The following ABI3BP variants were observed in gnomAD, a reference collection of about 807,000 sequenced individuals.
ABI3BP encodes ABI family member 3 binding protein, also known as target of Nesh-SH3.
A neutral mutation model predicts 268.6 loss-of-function variants in ABI3BP; 216 were observed. The observed-to-expected ratio is 0.80, with a 90% CI of 0.72 to 0.90. The LOEUF (loss-of-function observed/expected upper bound fraction) is 0.90, where lower values mean the gene tolerates loss of function less well. ABI3BP is among the 40% of genes least tolerant of loss of function. The pLI is 0.00. For synonymous variants in ABI3BP, 730 were observed against 730.0 expected, an observed-to-expected ratio of 1.00 and a Z score of 0.00; for missense variants, 2,090 against 2,182.4, an observed-to-expected ratio of 0.96 and a Z score of 0.84.
chr3:100,964,994 A>G (rs2080731740), intron 1 of ABI3BP, among the ~76,000 whole-genome samples: 1 of 152,066 alleles, frequency 6.6e-6, no homozygotes, highest in South Asian at 2.1e-4. Context: ...ATGTCATGAT[A>G]AATTTTTGTA....
intron 2 of ABI3BP, among the ~76,000 whole-genome samples, chr3:100,925,754 A>C (rs757089089): frequency 6.6e-6 from 1 of 151,966 alleles, no homozygotes; most frequent in African/African-American, 2.4e-5. Flanking sequence ...TTTGCAAATA[A>C]TTTTTCTGGA....
intron 63 of ABI3BP, among the ~76,000 whole-genome samples, chr3:100,756,979 T>C (rs6784601): frequency 0.4 from 55,389 of 140,118 alleles, 10,411 homozygotes; most frequent in South Asian, 0.56. Flanking sequence ...ACATCATAGG[T>C]CTAAGAGAAA....
chr3:100,986,780 A>G (rs1001166250), intron 1 of ABI3BP, among the ~76,000 whole-genome samples: 7 of 152,178 alleles, frequency 4.6e-5, no homozygotes, highest in Admixed American at 3.9e-4. Context: ...TTATCTGTGA[A>G]ATGGAGCTAA....
At chr3:100,823,360 G>T in intron 37 of ABI3BP, 98 bp downstream of exon 37, 2 of 1,002,934 alleles carry the variant, frequency 2.0e-6, no homozygotes, top group Non-Finnish European at 2.9e-6. Context: ...GAGTTGAATG[G>T]CCATCAAGAA....
Position 100,871,637 on chromosome 3 carries a change from T to C in ABI3BP, c.910+3204A>G, listed in dbSNP as rs534324607. ...CTCTCTTTTTGCCTGCTGCCATCCA[T>C]GTAAGATATGACTTGCTCCTCCTTG... is the stretch of plus-strand genomic sequence containing the variant. On this transcript the variant is annotated intron_variant, in intron 9 of 67. Transcript: ENST00000471714. Among the ~76,000 whole-genome samples, 3 of 152,344 alleles carry C rather than the reference T, an allele frequency of 2.0e-5. No homozygotes were observed. In the East Asian group the frequency reaches 5.8e-4, roughly 29 times the overall value.
intron 29 of ABI3BP, 122 bp from the exon 30 acceptor site, chr3:100,833,279 G>A (rs1304829794): frequency 4.5e-5 from 39 of 872,632 alleles, no homozygotes; most frequent in Non-Finnish European, 4.1e-5. Context: ...TAGCCACAAA[G>A]CAAACATTTT....
At chr3:100,890,984 CTTT>C (rs35008478) in intron 4 of ABI3BP, among the ~76,000 whole-genome samples, 6 of 143,722 alleles carry the variant, frequency 4.2e-5, no homozygotes, top group African/African-American at 5.1e-5. Flanking sequence ...AACTGGTCAA[CTTT>C]TTTTTTTTTT....
chr3:100,768,128 G>T (rs542904264), intron 62 of ABI3BP, among the ~76,000 whole-genome samples: 40 of 123,598 alleles, frequency 3.2e-4, no homozygotes, highest in Non-Finnish European at 5.0e-4. Flanking sequence ...ACACTCTGTC[G>T]CCTAGGCTGG....
chr3:100,830,772 G>GTATTTTTT (rs142537255), intron 31 of ABI3BP, 138 bp from the exon 32 acceptor site: 4 of 658,600 alleles, frequency 6.1e-6, no homozygotes, highest in Non-Finnish European at 9.9e-6. Context: ...GAAAGTGGCT[G>GTATTTTTT]TATTTTTTTC....
intron 62 of ABI3BP, among the ~76,000 whole-genome samples, chr3:100,770,434 G>A (rs1008000944): frequency 6.6e-6 from 1 of 152,192 alleles, no homozygotes; most frequent in African/African-American, 2.4e-5. Context: ...AATCAGCAAT[G>A]TAATTTTCTG....
chr3:100,939,490 A>G (rs564043183), intron 1 of ABI3BP, among the ~76,000 whole-genome samples: 1 of 152,136 alleles, frequency 6.6e-6, no homozygotes, highest in East Asian at 1.9e-4. Context: ...CATCCGGGGA[A>G]GACATCACGT....
intron 55 of ABI3BP, among the ~76,000 whole-genome samples, chr3:100,792,271 A>G (rs2097216374): frequency 6.6e-6 from 1 of 151,794 alleles, no homozygotes; most frequent in South Asian, 2.1e-4. Context: ...AATGTATTTC[A>G]TCAAATGGGG....
chr3:100,957,049 T>A (rs1449299), intron 1 of ABI3BP, among the ~76,000 whole-genome samples: 110,455 of 152,044 alleles, frequency 0.73, 40,407 homozygotes, highest in East Asian at 0.96. Context: ...AAAATCTGAT[T>A]TATATTTTTA....
intron 2 of ABI3BP, among the ~76,000 whole-genome samples, chr3:100,924,506 G>T (rs1204749247): frequency 1.3e-5 from 2 of 152,082 alleles, no homozygotes; most frequent in Non-Finnish European, 2.9e-5. Flanking sequence ...AATGAATACA[G>T]TATGTATGAA....
At position 100,778,371 on chromosome 3, in the gene ABI3BP, G is replaced by A. The variant is rs199686325; in HGVS notation, c.4246C>T (p.Arg1416Cys). ...STHPTKKPGT[R>C]RPPLPPRPTH... ...GGTCTGGGTGGCAAGGGTGGGCGGC[G>A]AGTCCCTGGGATTGTGGATAAGAGA... The change falls in exon 59 of 68, where the codon CGC (arginine) becomes TGC (cysteine). Residue 1416 changes from arginine (R) to cysteine (C), a missense_variant. Transcript: ENST00000471714. 3.2e-5 allele frequency: 51 copies of A among 1,594,562 alleles called. No individual in the cohort carries two copies. Among genetic ancestry groups the A allele is most frequent in the Middle Eastern group, 1.7e-4 (1 of 6,008 alleles).
chr3:100,956,214 AACACACACACAC>A lies in ABI3BP; in HGVS notation c.80-29745_80-29734del, dbSNP rs58723365. On this transcript the variant is annotated intron_variant, in intron 1 of 67. Transcript: ENST00000471714. ...TGTCTCAAAAAAAAAAAAGAAAAACAACACACACACACACACACACACACACACACACACACA... is the reference window on the plus strand; with the variant it reads ...TGTCTCAAAAAAAAAAAAGAAAAACAACACACACACACACACACACACACA... Among the ~76,000 whole-genome samples, 1,283 of 133,686 alleles carry A rather than the reference AACACACACACAC, an allele frequency of 9.6e-3. 15 individuals are homozygous for A. The highest frequency in any genetic ancestry group is 0.033 in the South Asian group (132 of 3,982). The allele number at this position is 133,686 out of a possible 152,430, so 87.7% of individuals were successfully genotyped here.
intron 63 of ABI3BP, among the ~76,000 whole-genome samples, chr3:100,757,803 A>C (rs2095706110): frequency 6.6e-6 from 1 of 152,216 alleles, no homozygotes; most frequent in Non-Finnish European, 1.5e-5. Flanking sequence ...ATAGGGATTT[A>C]ATTGACAGAA....
At chr3:100,955,347 A>T (rs1256239331) in intron 1 of ABI3BP, among the ~76,000 whole-genome samples, 1 of 152,198 alleles carries the variant, frequency 6.6e-6, no homozygotes, top group East Asian at 1.9e-4. Context: ...AGTGAAGATG[A>T]ATACTTTCAC....
intron 2 of ABI3BP, chr3:100,911,863 T>C: frequency 6.3e-7 from 1 of 1,599,650 alleles, no homozygotes; most frequent in Non-Finnish European, 8.6e-7. Context: ...CTAAACGTCA[T>C]GATCTGATCT....
Sources: gnomAD v4.1 joint callset for allele counts (sites outside exome capture counted in the v4.1 genomes callset) on GRCh38, gnomAD v4.1.1 for gene constraint, MANE v1.5 for transcripts, NCBI Gene and HGNC (gene_info 2026-07-23, HGNC 2026-07-21) for gene names.